Variants in CACNG3 observed in about 807,000 individuals in gnomAD.
CACNG3 encodes the protein calcium voltage-gated channel auxiliary subunit gamma 3, also known as voltage-dependent calcium channel gamma-3 subunit.
Under a neutral mutation model 28.5 loss-of-function variants are expected in CACNG3, and 3 were observed. The observed-to-expected ratio is 0.11, with a 90% CI of 0.05 to 0.27. CACNG3 has a LOEUF of 0.27. Among genes scored for constraint, CACNG3 ranks in the 10% least tolerant of loss-of-function variants. The probability of loss-of-function intolerance (pLI) is 1.00; values close to 1 mark genes in which losing one functional copy is unlikely to be tolerated. For missense variants in CACNG3, 236 were observed against 414.4 expected (o/e 0.57, Z 3.74); for synonymous variants, 174 against 162.2 (o/e 1.07, Z -0.55).
intron 2 of CACNG3, among the ~76,000 whole-genome samples, chr16:24,347,301 G>A (rs1899882821): frequency 6.6e-6 from 1 of 152,122 alleles, no homozygotes; most frequent in Non-Finnish European, 1.5e-5. Flanking sequence ...CTGGGTGACA[G>A]AGTGAGACCC....
chr16:24,281,739 T>G (rs1312447236), intron 1 of CACNG3, among the ~76,000 whole-genome samples: 1 of 152,204 alleles, frequency 6.6e-6, no homozygotes, highest in Admixed American at 6.5e-5. Flanking sequence ...TGACAACCAT[T>G]ATTGACCAGT....
chr16:24,273,202 A>C (rs555484383), intron 1 of CACNG3, among the ~76,000 whole-genome samples: 7 of 152,264 alleles, frequency 4.6e-5, no homozygotes, highest in Middle Eastern at 3.4e-3. Context: ...CCCCACCCTA[A>C]GTCCAATTGC....
chr16:24,331,678 G>A, intron 1 of CACNG3, among the ~76,000 whole-genome samples: 1 of 152,210 alleles, frequency 6.6e-6, no homozygotes, highest in East Asian at 1.9e-4. Context: ...AAGAAGCTCG[G>A]TGATGTGTGC....
chr16:24,348,774 G>C (rs1033590648), intron 2 of CACNG3, among the ~76,000 whole-genome samples: 1 of 152,214 alleles, frequency 6.6e-6, no homozygotes, highest in Non-Finnish European at 1.5e-5. Context: ...GGTTTTACCA[G>C]AGTGCCCATA....
At chr16:24,269,784 A>T (rs917751422) in intron 1 of CACNG3, among the ~76,000 whole-genome samples, 1 of 149,254 alleles carries the variant, frequency 6.7e-6, no homozygotes, top group Non-Finnish European at 1.5e-5. Flanking sequence ...GAAGAAAGAA[A>T]GAAAAAGAAA....
intron 2 of CACNG3, among the ~76,000 whole-genome samples, chr16:24,347,516 G>A (rs866335435): frequency 6.6e-6 from 1 of 152,312 alleles, no homozygotes; most frequent in Middle Eastern, 3.4e-3. Flanking sequence ...TTTCCCAGGA[G>A]GGTTGATTGG....
chr16:24,313,096 G>GAAGA (rs1416679429), intron 1 of CACNG3, among the ~76,000 whole-genome samples: 6 of 151,592 alleles, frequency 4.0e-5, no homozygotes, highest in African/African-American at 1.5e-4. Context: ...AGGAAGGAAG[G>GAAGA]AAGGAAGGAA....
At chr16:24,353,275 AGGCCT>A (rs1899981769) in intron 2 of CACNG3, among the ~76,000 whole-genome samples, 1 of 152,166 alleles carries the variant, frequency 6.6e-6, no homozygotes, top group Non-Finnish European at 1.5e-5. Context: ...ATGCCTGGCT[AGGCCT>A]CACATTTTTG....
chr16:24,274,735 A>G (rs1296951957), intron 1 of CACNG3, among the ~76,000 whole-genome samples: 1 of 152,138 alleles, frequency 6.6e-6, no homozygotes, highest in East Asian at 1.9e-4. Context: ...TACATCGGGG[A>G]GCCATTAGCA....
At position 24,256,466 on chromosome 16, in the gene CACNG3, C is replaced by T; in HGVS notation, c.-289C>T. The T allele has an allele frequency of 2.5e-6, 1 of 403,112 alleles. No individual in the cohort carries two copies. The highest frequency in any genetic ancestry group is 2.0e-5 in the African/African-American group (1 of 49,664). The allele number at this position is 403,112 out of a possible 1,614,324, so 25.0% of individuals were successfully genotyped here. A position where few individuals can be genotyped will look rare whatever the true frequency, so the allele number is the denominator to read the frequency against. ...TGCCCTGCACGGACCCTCGTCTTTA[C>T]CACGCTCCTGAGGAATGAAAGGAAC... On this transcript the variant is annotated 5_prime_UTR_variant, in exon 1 of 4. Coordinates refer to ENST00000005284, the MANE Select transcript of CACNG3 (RefSeq NM_006539.4). This position sits in a 1 kb window ranked among gnomAD's most constrained non-coding sequence, Gnocchi z 4.6.
chr16:24,267,042 G>A (rs1225395177), intron 1 of CACNG3, among the ~76,000 whole-genome samples: 1 of 149,710 alleles, frequency 6.7e-6, no homozygotes, highest in African/African-American at 2.5e-5. Context: ...TCTCGGCTTA[G>A]TACAACCTCT....
At chr16:24,345,646 G>C (rs1899853213) in intron 1 of CACNG3, among the ~76,000 whole-genome samples, 2 of 152,234 alleles carry the variant, frequency 1.3e-5, no homozygotes, top group Admixed American at 6.5e-5. Context: ...GTTGCAGTGA[G>C]CCGAGATCGT....
At chr16:24,327,055 C>T (rs1464827761) in intron 1 of CACNG3, among the ~76,000 whole-genome samples, 1 of 133,114 alleles carries the variant, frequency 7.5e-6, no homozygotes, top group Non-Finnish European at 1.5e-5. Context: ...TGATGGTAGC[C>T]TGGCTTCCTC....
chr16:24,284,781 G>T (rs1898871496), intron 1 of CACNG3, among the ~76,000 whole-genome samples: 1 of 152,076 alleles, frequency 6.6e-6, no homozygotes, highest in Non-Finnish European at 1.5e-5. Context: ...AATGTGAAGA[G>T]GTCCTTTTGG....
At chr16:24,323,248 A>C (rs1596642882) in intron 1 of CACNG3, among the ~76,000 whole-genome samples, 1 of 144,372 alleles carries the variant, frequency 6.9e-6, no homozygotes, top group African/African-American at 2.5e-5. Context: ...AAAGAGAGAG[A>C]GAGAAAGAGA....
chr16:24,277,418 C>A (rs2238503), intron 1 of CACNG3, among the ~76,000 whole-genome samples: 1 of 152,028 alleles, frequency 6.6e-6, no homozygotes, highest in Non-Finnish European at 1.5e-5. Flanking sequence ...GCAGGACAGC[C>A]CCTACAACAC....
At chr16:24,329,876 A>G (rs1299038490) in intron 1 of CACNG3, among the ~76,000 whole-genome samples, 2 of 152,110 alleles carry the variant, frequency 1.3e-5, no homozygotes, top group African/African-American at 2.4e-5. Flanking sequence ...TCTACTAAAA[A>G]AATACAAAAA....
At chr16:24,288,511 G>A (rs1263818976) in intron 1 of CACNG3, among the ~76,000 whole-genome samples, 1 of 152,156 alleles carries the variant, frequency 6.6e-6, no homozygotes, top group Non-Finnish European at 1.5e-5. Context: ...CAGCTGCCTG[G>A]ACCACTTCTA....
intron 1 of CACNG3, among the ~76,000 whole-genome samples, chr16:24,257,368 G>GGGGGA (rs1287474223): frequency 4.5e-4 from 24 of 52,862 alleles, no homozygotes; most frequent in Non-Finnish European, 6.0e-4. Flanking sequence ...AAGTGAGGGG[G>GGGGGA]GAGAGAGAGA....
Sources: allele counts gnomAD v4.1 joint callset (sites outside exome capture counted in the v4.1 genomes callset), GRCh38; gene constraint gnomAD v4.1.1; non-coding constraint Gnocchi (gnomAD v3.1); transcripts MANE v1.5; gene names NCBI Gene and HGNC (gene_info 2026-07-23, HGNC 2026-07-21).